FBXW7: variants seen among roughly 807,000 people sequenced by gnomAD.
The protein encoded by FBXW7 is F-box/WD repeat-containing protein 7.
A neutral mutation model predicts 86.3 loss-of-function variants in FBXW7; 11 were observed. That is an observed-to-expected ratio of 0.13 (90% CI 0.08 to 0.21). FBXW7 has a LOEUF of 0.21. FBXW7 is among the 10% of genes least tolerant of loss of function. The probability of loss-of-function intolerance (pLI) is 1.00; values close to 1 mark genes in which losing one functional copy is unlikely to be tolerated. For missense variants in FBXW7, 488 were observed against 847.4 expected (o/e 0.58, Z 5.27); for synonymous variants, 313 against 297.9 (o/e 1.05, Z -0.52).
chr4:152,531,253 G>A (rs1029548702), intron 2 of FBXW7, among the ~76,000 whole-genome samples: 5 of 152,192 alleles, frequency 3.3e-5, no homozygotes, highest in Non-Finnish European at 7.4e-5. Flanking sequence ...GTTGTGGAAA[G>A]TGGAGGATGA....
At chr4:152,387,295 T>C (rs1011177418) in intron 4 of FBXW7, among the ~76,000 whole-genome samples, 1 of 152,174 alleles carries the variant, frequency 6.6e-6, no homozygotes, top group South Asian at 2.1e-4. Flanking sequence ...TGCTAAAAAG[T>C]ATACCATTAC....
chr4:152,356,941 T>C (rs532387645), intron 4 of FBXW7, among the ~76,000 whole-genome samples: 14 of 152,200 alleles, frequency 9.2e-5, no homozygotes, highest in Non-Finnish European at 2.1e-4. Context: ...TGAAACTTTG[T>C]TCTTTCTCCA....
chr4:152,528,756 A>G (rs1357158758), intron 2 of FBXW7, among the ~76,000 whole-genome samples: 1 of 152,216 alleles, frequency 6.6e-6, no homozygotes, highest in Non-Finnish European at 1.5e-5. Flanking sequence ...ATCATGAGGA[A>G]GTACCAAGGA....
chr4:152,414,016 A>G (rs1447397153), intron 2 of FBXW7, among the ~76,000 whole-genome samples: 2 of 152,116 alleles, frequency 1.3e-5, no homozygotes, highest in Non-Finnish European at 2.9e-5. Context: ...ATACTGAGCC[A>G]TTGCTCCTAG....
At chr4:152,357,201 G>T (rs535872351) in intron 4 of FBXW7, among the ~76,000 whole-genome samples, 53 of 152,138 alleles carry the variant, frequency 3.5e-4, no homozygotes, top group African/African-American at 9.2e-4. Context: ...CTTATTTTTT[G>T]GGGGGAAGGG....
At position 152,320,595 on chromosome 4, in the gene FBXW7, T is replaced by C. The variant is rs1413498593; in HGVS notation, c.*2286A>G. On this transcript the variant is annotated 3_prime_UTR_variant, in exon 14 of 14. Coordinates refer to ENST00000281708, the MANE Select transcript of FBXW7 (RefSeq NM_001349798.2). ...CCCCTTACATCATAAAATTTAGATT[T>C]TATAAAATTTAGATTTGTTGAACAA... 6.6e-6 allele frequency: 1 copy of C among 151,994 alleles called. No homozygotes were observed. The highest frequency in any genetic ancestry group is 1.5e-5 in the Non-Finnish European group (1 of 68,012). 9.4% of individuals were successfully genotyped at this position (151,994 alleles called of 1,614,324 possible). A position where few individuals can be genotyped will look rare whatever the true frequency, so the allele number is the denominator to read the frequency against.
At chr4:152,351,057 T>C (rs958046638) in intron 4 of FBXW7, among the ~76,000 whole-genome samples, 7 of 152,054 alleles carry the variant, frequency 4.6e-5, no homozygotes, top group African/African-American at 1.7e-4. Context: ...TTTTAAGATT[T>C]GTGTCCACTA....
At chr4:152,343,613 T>G (rs1730958558) in intron 6 of FBXW7, among the ~76,000 whole-genome samples, 1 of 152,176 alleles carries the variant, frequency 6.6e-6, no homozygotes, top group African/African-American at 2.4e-5. Flanking sequence ...TGCTTCTGAA[T>G]ACAAATTTCA....
chr4:152,504,399 T>C (rs983833334), intron 2 of FBXW7, among the ~76,000 whole-genome samples: 3 of 152,158 alleles, frequency 2.0e-5, no homozygotes, highest in Admixed American at 6.5e-5. Context: ...AAAAAAATCA[T>C]TGAAAAACAC....
chr4:152,455,859 T>C (rs893397603), intron 2 of FBXW7, among the ~76,000 whole-genome samples: 1 of 152,192 alleles, frequency 6.6e-6, no homozygotes, highest in African/African-American at 2.4e-5. Context: ...GACTCTCTGA[T>C]TACACTGGGC....
intron 4 of FBXW7, among the ~76,000 whole-genome samples, chr4:152,367,311 A>T (rs1733581404): frequency 1.3e-5 from 2 of 152,156 alleles, no homozygotes; most frequent in Non-Finnish European, 1.5e-5. Flanking sequence ...TTTCATATAT[A>T]TTATATATAT....
chr4:152,500,183 G>T (rs546160726), intron 2 of FBXW7, among the ~76,000 whole-genome samples: 5 of 152,264 alleles, frequency 3.3e-5, no homozygotes, highest in African/African-American at 1.2e-4. Context: ...AATAGGGGAG[G>T]TAAGTGAATG....
At chr4:152,367,371 T>C (rs900588716) in intron 4 of FBXW7, among the ~76,000 whole-genome samples, 4 of 152,138 alleles carry the variant, frequency 2.6e-5, no homozygotes, top group African/African-American at 9.7e-5. Flanking sequence ...TCCTTTAAAA[T>C]TAAATTGAAT....
chr4:152,400,115 G>A (rs1218148172), intron 4 of FBXW7, among the ~76,000 whole-genome samples: 1 of 152,132 alleles, frequency 6.6e-6, no homozygotes, highest in Non-Finnish European at 1.5e-5. Context: ...GTAGATGAAT[G>A]GAACAGAATA....
chr4:152,389,488 T>C (rs916086845), intron 4 of FBXW7, among the ~76,000 whole-genome samples: 2 of 152,078 alleles, frequency 1.3e-5, no homozygotes, highest in Non-Finnish European at 2.9e-5. Flanking sequence ...GAGGTGATTC[T>C]TCAGTGAAAC....
chr4:152,332,599 C>G lies in FBXW7; in HGVS notation c.982G>C (p.Glu328Gln). The G allele has an allele frequency of 6.3e-7, 1 of 1,598,454 alleles. No homozygotes were observed. The highest frequency in any genetic ancestry group is 8.5e-7 in the Non-Finnish European group (1 of 1,169,954). ...NLLWREKCKEEGIDEPLHIKR... is the reference protein window; with the variant it reads ...NLLWREKCKEQGIDEPLHIKR... ...TCTATGCAATTTTGAACCTTACCCTCTTCTTTGCATTTCTCTCTCCAGAGA... is the reference window on the plus strand; with the variant it reads ...TCTATGCAATTTTGAACCTTACCCTGTTCTTTGCATTTCTCTCTCCAGAGA... The change falls in exon 8 of 14, where the codon GAG (glutamate) becomes CAG (glutamine). Residue 328 changes from glutamate to glutamine, a missense_variant. By Grantham distance (29) the Glu-to-Gln change is conservative. Transcript: ENST00000281708.
intron 4 of FBXW7, chr4:152,352,971 T>C: frequency 1.5e-6 from 2 of 1,361,438 alleles, no homozygotes; most frequent in African/African-American, 2.9e-5. Flanking sequence ...CACAACGCAC[T>C]GAACAGAGGG....
At position 152,329,789 on chromosome 4, in the gene FBXW7, T is replaced by G. The variant is rs904144155; in HGVS notation, c.1123-4A>C. The G allele has an allele frequency of 6.6e-7, 1 of 1,513,432 alleles. No homozygotes were observed. The highest frequency in any genetic ancestry group is 1.4e-5 in the African/African-American group (1 of 69,826). The allele number at this position is 1,513,432 out of a possible 1,614,324, so 93.8% of individuals were successfully genotyped here. Reference sequence around the variant, plus strand: ...GATCATCATGTCCTTTCAGCACCTATAAGAAAGATGTGCAGATTAGAAATA... The same window carrying G: ...GATCATCATGTCCTTTCAGCACCTAGAAGAAAGATGTGCAGATTAGAAATA... On this transcript the variant is annotated splice_region_variant and splice_polypyrimidine_tract_variant and intron_variant, in intron 9 of 13. Coordinates refer to ENST00000281708, the MANE Select transcript of FBXW7 (RefSeq NM_001349798.2).
chr4:152,365,577 A>C (rs570538037), intron 4 of FBXW7, among the ~76,000 whole-genome samples: 2 of 152,308 alleles, frequency 1.3e-5, no homozygotes, highest in African/African-American at 4.8e-5. Flanking sequence ...GCAAGTAAAA[A>C]AGAGGAAGGT....
Sources: gnomAD v4.1 joint callset for allele counts (sites outside exome capture counted in the v4.1 genomes callset) on GRCh38, gnomAD v4.1.1 for gene constraint, MANE v1.5 for transcripts, NCBI Gene and HGNC (gene_info 2026-07-23, HGNC 2026-07-21) for gene names.